SYNE2: variants seen among roughly 807,000 people sequenced by gnomAD.
SYNE2 encodes the protein nesprin-2.
In SYNE2, 431 loss-of-function variants were observed where a neutral mutation model predicts 856.3. The ratio of observed to expected loss-of-function variants is 0.50; its 90% CI spans 0.47 to 0.55. The LOEUF (loss-of-function observed/expected upper bound fraction) is 0.55, where lower values mean the gene tolerates loss of function less well. SYNE2 is among the 20% of genes least tolerant of loss of function. SYNE2 has a pLI of 0.00. For missense variants in SYNE2, 8,129 were observed against 8,023.2 expected (o/e 1.01, Z -0.50); for synonymous variants, 2,923 against 2,872.3 (o/e 1.02, Z -0.56).
chr14:63,856,021 T>C (rs1028764750), intron 1 of SYNE2, among the ~76,000 whole-genome samples: 4 of 152,102 alleles, frequency 2.6e-5, no homozygotes, highest in African/African-American at 9.7e-5. Context: ...TAAGAGGTTG[T>C]AGAGAGGAGA....
At chr14:63,785,887 A>G (rs1471101377) in intron 1 of SYNE2, among the ~76,000 whole-genome samples, 3 of 151,894 alleles carry the variant, frequency 2.0e-5, no homozygotes, top group African/African-American at 4.8e-5. Context: ...AGGAGGACCA[A>G]TCGAGCCCAG....
intron 1 of SYNE2, among the ~76,000 whole-genome samples, chr14:63,906,416 T>C (rs1327939289): frequency 6.6e-6 from 1 of 152,194 alleles, no homozygotes; most frequent in Non-Finnish European, 1.5e-5. Flanking sequence ...AGAATTCAGC[T>C]GTGAATCCAT....
intron 1 of SYNE2, among the ~76,000 whole-genome samples, chr14:63,860,434 A>G (rs1893233968): frequency 1.3e-5 from 2 of 152,236 alleles, no homozygotes; most frequent in Non-Finnish European, 2.9e-5. Flanking sequence ...GATAAGTGTG[A>G]AAGCATCTCT....
At chr14:64,147,548 G>C (rs1336406381) in intron 84 of SYNE2, among the ~76,000 whole-genome samples, 2 of 152,176 alleles carry the variant, frequency 1.3e-5, no homozygotes, top group Non-Finnish European at 2.9e-5. Context: ...CACGGAACAA[G>C]GTCGAAATGG....
intron 67 of SYNE2, among the ~76,000 whole-genome samples, chr14:64,119,852 T>A (rs1441117269): frequency 6.6e-6 from 1 of 152,210 alleles, no homozygotes; most frequent in Non-Finnish European, 1.5e-5. Flanking sequence ...GTTGGTTTAA[T>A]GTAGCTGAGT....
rs774737023 is a variant in SYNE2 at position 64,029,916 on chromosome 14, G to A, written c.6736G>A (p.Gly2246Ser). Reference protein sequence around the residue: ...QLQDSVQNLDGHVREHDSYQV... With the variant: ...QLQDSVQNLDSHVREHDSYQV... ...TTAGGATTCTGTGCAAAACTTGGAC[G>A]GTCACGTTCGAGAACATGATTCATA... The change falls in exon 44 of 116, where the codon GGT becomes AGT. Residue 2246 changes from glycine (G) to serine (S), a missense_variant. Gly to Ser is a moderately conservative substitution (Grantham distance 56, BLOSUM62 0). Around this residue, in one of 3 missense-constraint regions of SYNE2, gnomAD observed 297 missense variants for 380.9 expected, o/e 0.78. Coordinates refer to ENST00000555002, the MANE Select transcript of SYNE2 (RefSeq NM_182914.3). 104 of 1,613,624 alleles carry A rather than the reference G, an allele frequency of 6.4e-5. No homozygotes were observed. The Admixed American group carries it at 1.1e-3, about 17-fold the overall frequency.
intron 1 of SYNE2, among the ~76,000 whole-genome samples, chr14:63,902,324 T>C (rs1228735723): frequency 3.0e-5 from 4 of 133,712 alleles, no homozygotes; most frequent in African/African-American, 1.2e-4. Flanking sequence ...GGCACAAGAA[T>C]CACTGGAACC....
At chr14:64,026,436 C>T (rs1025971139) in intron 41 of SYNE2, 143 bp from the exon 42 acceptor site, 10 of 682,324 alleles carry the variant, frequency 1.5e-5, no homozygotes, top group Admixed American at 5.1e-5. Flanking sequence ...CTTTGTCTTT[C>T]GGGTACATAT....
At chr14:64,179,432 C>A (rs1019128786) in intron 96 of SYNE2, among the ~76,000 whole-genome samples, 3 of 152,218 alleles carry the variant, frequency 2.0e-5, no homozygotes, top group Non-Finnish European at 4.4e-5. Context: ...TGAGCCACAG[C>A]GCCTGGCCTA....
chr14:64,210,941 C>G (rs567630151), intron 103 of SYNE2, among the ~76,000 whole-genome samples: 20 of 152,078 alleles, frequency 1.3e-4, no homozygotes, highest in Non-Finnish European at 2.6e-4. Context: ...CCCTTCCTGT[C>G]TCTCTCTCCT....
chr14:64,039,382 C>A (rs966033534), intron 45 of SYNE2, among the ~76,000 whole-genome samples: 1 of 152,138 alleles, frequency 6.6e-6, no homozygotes, highest in Non-Finnish European at 1.5e-5. Flanking sequence ...AGACCATGCT[C>A]AGTCATTTAG....
intron 2 of SYNE2, among the ~76,000 whole-genome samples, chr14:63,921,443 C>G (rs1595649017): frequency 1.3e-5 from 2 of 152,056 alleles, no homozygotes; most frequent in Non-Finnish European, 2.9e-5. Context: ...GGCAGAACAT[C>G]ACACAGATAG....
chr14:63,965,649 C>A (rs777036594), intron 10 of SYNE2, among the ~76,000 whole-genome samples: 1 of 152,232 alleles, frequency 6.6e-6, no homozygotes, highest in Non-Finnish European at 1.5e-5. Flanking sequence ...CTTAGCACCT[C>A]TAGGTCTCCA....
At chr14:63,805,893 G>T (rs771568215) in intron 1 of SYNE2, among the ~76,000 whole-genome samples, 4 of 152,152 alleles carry the variant, frequency 2.6e-5, no homozygotes, top group Non-Finnish European at 4.4e-5. Context: ...GAGGCCATGG[G>T]GTTTTCTAAG....
At chr14:64,186,091 G>A (rs2098488628) in intron 96 of SYNE2, among the ~76,000 whole-genome samples, 1 of 152,168 alleles carries the variant, frequency 6.6e-6, no homozygotes, top group African/African-American at 2.4e-5. Flanking sequence ...GTGCATGTGT[G>A]TGTGTGTGTA....
chr14:63,948,571 A>G (rs1175888706), intron 6 of SYNE2, among the ~76,000 whole-genome samples: 1 of 151,168 alleles, frequency 6.6e-6, no homozygotes, highest in Non-Finnish European at 1.5e-5. Flanking sequence ...CTGAGGCAGG[A>G]GAATCACTTG....
At chr14:64,215,850 T>C in intron 107 of SYNE2, 1 of 867,202 alleles carries the variant, frequency 1.2e-6, no homozygotes, top group Non-Finnish European at 1.6e-6. Context: ...TCTGCCATGG[T>C]GGGTCGGGGA....
At chr14:64,168,209 T>C (rs888769825) in intron 92 of SYNE2, among the ~76,000 whole-genome samples, 3 of 152,166 alleles carry the variant, frequency 2.0e-5, no homozygotes, top group African/African-American at 7.2e-5. Flanking sequence ...GCTCAAGCAA[T>C]TCTCGTGCCT....
intron 103 of SYNE2, among the ~76,000 whole-genome samples, chr14:64,211,147 G>A (rs2098638876): frequency 6.6e-6 from 1 of 152,096 alleles, no homozygotes; most frequent in Non-Finnish European, 1.5e-5. Context: ...GTGCCTGGCT[G>A]ATTTTAATTT....
Sources: gnomAD v4.1 joint callset for allele counts (sites outside exome capture counted in the v4.1 genomes callset) on GRCh38, gnomAD v4.1.1 for gene constraint, gnomAD v4.1.1 regional missense constraint, MANE v1.5 for transcripts, NCBI Gene and HGNC (gene_info 2026-07-23, HGNC 2026-07-21) for gene names.